AP4M1: variants seen among roughly 807,000 people sequenced by gnomAD.
AP4M1 encodes the protein adaptor related protein complex 4 subunit mu 1.
In AP4M1, 58 loss-of-function variants were observed where a neutral mutation model predicts 62.4. The observed-to-expected ratio is 0.93, with a 90% CI of 0.75 to 1.16. The LOEUF (loss-of-function observed/expected upper bound fraction) is 1.16. Among genes scored for constraint, AP4M1 ranks in the 50% most tolerant of loss-of-function variants. The pLI is 0.00. For synonymous variants in AP4M1, 290 were observed against 239.7 expected, an observed-to-expected ratio of 1.21 and a Z score of -1.94; for missense variants, 626 against 585.4, an observed-to-expected ratio of 1.07 and a Z score of -0.72.
upstream of AP4M1, chr7:100,100,943 G>A (rs998779635): frequency 1.2e-5 from 12 of 1,018,950 alleles, no homozygotes; most frequent in Non-Finnish European, 1.5e-5. Context: ...GGAGCCCAGA[G>A]CCCTTAAGAC....
In AP4M1 at chr7:100,107,089, C is replaced by G; in HGVS notation, c.*207C>G. The G allele has an allele frequency of 7.6e-7, 1 of 1,309,180 alleles. No homozygotes were observed. The highest frequency in any genetic ancestry group is 1.0e-6 in the Non-Finnish European group (1 of 968,766). The allele number at this position is 1,309,180 out of a possible 1,614,324, so 81.1% of individuals were successfully genotyped here. On this transcript the variant is annotated 3_prime_UTR_variant, in exon 15 of 15. Transcript: ENST00000359593. Reference sequence around the variant, plus strand: ...AGTGGATCAGAACTTACAAACCAAACTTTTATTCTGAGAAACTGGCTGTAC... The same window carrying G: ...AGTGGATCAGAACTTACAAACCAAAGTTTTATTCTGAGAAACTGGCTGTAC...
chr7:100,102,563 C>T (rs1796139805), intron 2 of AP4M1, 112 bp from the exon 3 acceptor site: 3 of 874,720 alleles, frequency 3.4e-6, no homozygotes, highest in African/African-American at 1.7e-5. Context: ...CTCCCAAAGG[C>T]ACTGCTGTTG....
chr7:100,108,337 C>T lies in AP4M1; in HGVS notation c.*1455C>T. On this transcript the variant is annotated 3_prime_UTR_variant, in exon 15 of 15. Coordinates refer to ENST00000359593, the MANE Select transcript of AP4M1 (RefSeq NM_004722.4). ...ACACAGGGGTTCTCCTCTGCTTCCT[C>T]CTATTCCTCCTCCCCACCCGGCCAC... 3 of 1,579,732 alleles carry T rather than the reference C, an allele frequency of 1.9e-6. No individual in the cohort carries two copies. The highest frequency in any genetic ancestry group is 2.6e-6 in the Non-Finnish European group (3 of 1,160,798).
In AP4M1 at chr7:100,101,714, C is replaced by T. The variant is rs1185048945; in HGVS notation, c.-1C>T. ...CTTCTTGTCTACTCTCCAGAACGGC[C>T]ATGATTTCCCAATTCTTCATTCTGT... On this transcript the variant is annotated 5_prime_UTR_variant, in exon 1 of 15. Transcript: ENST00000359593. 1.2e-6 allele frequency: 2 copies of T among 1,613,258 alleles called. No individual in the cohort carries two copies. The highest frequency in any genetic ancestry group is 3.3e-5 in the Admixed American group (2 of 59,994).
At chr7:100,101,847 C>T (rs1243234243) in intron 1 of AP4M1, 33 bp from the exon 2 acceptor site, 2 of 1,612,492 alleles carry the variant, frequency 1.2e-6, no homozygotes, top group East Asian at 2.2e-5. Flanking sequence ...GCCTGTGTCG[C>T]AGGATCCTTC....
Position 100,108,783 on chromosome 7 carries a change from C to T in AP4M1, c.*1901C>T, listed in dbSNP as rs779218070. On this transcript the variant is annotated 3_prime_UTR_variant, in exon 15 of 15. Coordinates refer to ENST00000359593, the MANE Select transcript of AP4M1 (RefSeq NM_004722.4). ...CAGGTGCAGCATCTTAGGCCTGTATCCCAGCACTTGGGAGGCTGAGGTGGG... is the reference window on the plus strand; with the variant it reads ...CAGGTGCAGCATCTTAGGCCTGTATTCCAGCACTTGGGAGGCTGAGGTGGG... The T allele has an allele frequency of 4.0e-5, 15 of 373,526 alleles. No homozygotes were observed. The highest frequency in any genetic ancestry group is 1.3e-4 in the East Asian group (3 of 22,534). 23.1% of individuals were successfully genotyped at this position (373,526 alleles called of 1,614,324 possible). A position where few individuals can be genotyped will look rare whatever the true frequency, so the allele number is the denominator to read the frequency against.
intron 2 of AP4M1, chr7:100,102,337 G>C (rs948639065): frequency 5.9e-6 from 3 of 511,594 alleles, no homozygotes; most frequent in Non-Finnish European, 1.1e-5. Flanking sequence ...GTTGCAGTGA[G>C]CCGAGATCCG....
At position 100,101,865 on chromosome 7, in the gene AP4M1, CCTT is replaced by C; in HGVS notation, c.59-13_59-11del. On this transcript the variant is annotated splice_polypyrimidine_tract_variant and intron_variant, in intron 1 of 14. Coordinates refer to ENST00000359593, the MANE Select transcript of AP4M1 (RefSeq NM_004722.4). ...TGTGTCGCAGGATCCTTCACTGAGT[CCTT>C]CCACCCGCCAGTCCGCGGGGACAGT... The C allele has an allele frequency of 1.2e-6, 2 of 1,612,900 alleles. No homozygotes were observed. The highest frequency in any genetic ancestry group is 3.3e-5 in the Admixed American group (2 of 60,016).
chr7:100,101,459 G>A (rs2116610239), upstream of AP4M1: 4 of 952,516 alleles, frequency 4.2e-6, no homozygotes, highest in Non-Finnish European at 6.4e-6. Flanking sequence ...CGGACAAGGC[G>A]GCCTTCTTCA....
rs758689249 is a variant in AP4M1, at chr7:100,106,884, G to T, written c.*2G>T. 3.4e-5 allele frequency: 55 copies of T among 1,611,956 alleles called. No homozygotes were observed. The highest frequency in any genetic ancestry group is 1.6e-4 in the Middle Eastern group (1 of 6,082). On this transcript the variant is annotated 3_prime_UTR_variant, in exon 15 of 15. Coordinates refer to ENST00000359593, the MANE Select transcript of AP4M1 (RefSeq NM_004722.4). ...GACGCCTATGTCATTCGGATCTGAG[G>T]CTCCCCAAACGAGGACACGACGGCC...
At position 100,107,561 on chromosome 7, in the gene AP4M1, G is replaced by A. The variant is rs1353408974; in HGVS notation, c.*679G>A. Reference sequence around the variant, plus strand: ...CGATGGGCTGCACGCTGGGGACGGTGGTGGTGACGGGCGAAGTGGTGGTGG... The same window carrying A: ...CGATGGGCTGCACGCTGGGGACGGTAGTGGTGACGGGCGAAGTGGTGGTGG... On this transcript the variant is annotated 3_prime_UTR_variant, in exon 15 of 15. Coordinates refer to ENST00000359593, the MANE Select transcript of AP4M1 (RefSeq NM_004722.4). 12 of 1,614,014 alleles carry A rather than the reference G, an allele frequency of 7.4e-6. No individual in the cohort carries two copies. Among genetic ancestry groups the A allele is most frequent in the Middle Eastern group, 1.7e-4 (1 of 6,038 alleles).
Position 100,103,618 on chromosome 7 carries a change from G to T in AP4M1, c.469G>T (p.Ala157Ser), listed in dbSNP as rs1796235647. ...TGCTTTGGATGCTTTACAGTTTGGG[G>T]CTGAGACACAACAGAGCAAAGTGGC... The part of the protein sequence containing the change: ...FDLSSVGLFG[A>S]ETQQSKVAPS... The change falls in exon 6 of 15, where the codon GCT becomes TCT. Residue 157 changes from alanine to serine, a missense_variant. Physicochemically the swap from Ala to Ser is moderately conservative, Grantham distance 99 (BLOSUM62 1). Coordinates refer to ENST00000359593, the MANE Select transcript of AP4M1 (RefSeq NM_004722.4). 1.1e-5 allele frequency: 17 copies of T among 1,614,026 alleles called. No homozygotes were observed. The highest frequency in any genetic ancestry group is 1.4e-5 in the Non-Finnish European group (16 of 1,180,018).
Position 100,101,662 on chromosome 7 carries a change from G to A in AP4M1, c.-53G>A, listed in dbSNP as rs1796042907. 6.5e-7 allele frequency: 1 copy of A among 1,543,310 alleles called. No individual in the cohort carries two copies. Among genetic ancestry groups the A allele is most frequent in the Non-Finnish European group, 9.0e-7 (1 of 1,116,684 alleles). On this transcript the variant is annotated 5_prime_UTR_variant, in exon 1 of 15. Transcript: ENST00000359593. Reference sequence around the variant, plus strand: ...CGCGTTCTTTTGTTCCGGGGCCGCAGGGCGGGGCAGGCCCGACTTTCGCCG... The same window carrying A: ...CGCGTTCTTTTGTTCCGGGGCCGCAAGGCGGGGCAGGCCCGACTTTCGCCG...
In AP4M1 at chr7:100,106,682, CCT is replaced by C. The variant is rs772716166; in HGVS notation, c.1164_1165del (p.Pro389GlnfsTer138). ...FQMDVPGPPG[P>X]PSHGLSTSAS... ...GATGGACGTCCCAGGGCCCCCAGGA[CCT>C]CCCAGCCATGGGCTCTCCACCTCGG... On this transcript the variant is annotated frameshift_variant, in exon 15 of 15. Coordinates refer to ENST00000359593, the MANE Select transcript of AP4M1 (RefSeq NM_004722.4). LOFTEE classifies it high-confidence loss of function. 1 of 1,613,536 alleles carries C rather than the reference CCT, an allele frequency of 6.2e-7. No homozygotes were observed.
chr7:100,104,271 G>T, intron 7 of AP4M1, 117 bp downstream of exon 7: 3 of 861,818 alleles, frequency 3.5e-6, no homozygotes, highest in Admixed American at 2.0e-5. Context: ...TAATCCCAGT[G>T]CTTTGGGAGG....
intron 10 of AP4M1, 47 bp from the exon 11 acceptor site, chr7:100,105,398 G>A: frequency 6.2e-7 from 1 of 1,612,690 alleles, no homozygotes; most frequent in Non-Finnish European, 8.5e-7. Context: ...GAAGGGGGCA[G>A]TGGGGTCGTG....
In AP4M1 at chr7:100,105,546, C is replaced by T; in HGVS notation, c.929+7C>T. The T allele has an allele frequency of 6.2e-7, 1 of 1,611,006 alleles. No homozygotes were observed. Among genetic ancestry groups the T allele is most frequent in the Middle Eastern group, 1.7e-4 (1 of 6,058 alleles). On this transcript the variant is annotated splice_region_variant and intron_variant, in intron 11 of 14. Coordinates refer to ENST00000359593, the MANE Select transcript of AP4M1 (RefSeq NM_004722.4). Reference sequence around the variant, plus strand: ...GGGACCGAGGCTCAGGCCGGTGAGACAATTTCCTGGGTTCTAGAACTACCT... The same window carrying T: ...GGGACCGAGGCTCAGGCCGGTGAGATAATTTCCTGGGTTCTAGAACTACCT...
At chr7:100,101,811 C>CG in intron 1 of AP4M1, 39 bp downstream of exon 1, 1 of 1,039,374 alleles carries the variant, frequency 9.6e-7, no homozygotes, top group Non-Finnish European at 1.4e-6. Context: ...GGCGGAGGGG[C>CG]CGGGCGGGAG....
intron 2 of AP4M1, chr7:100,102,227 A>T (rs750880383): frequency 7.0e-6 from 2 of 286,304 alleles, no homozygotes; most frequent in South Asian, 7.9e-5. Context: ...CTAAAAATAC[A>T]AAAAAAAAAA....
Sources: allele counts gnomAD v4.1 joint callset, GRCh38; gene constraint gnomAD v4.1.1; transcripts MANE v1.5; gene names NCBI Gene and HGNC (gene_info 2026-07-23, HGNC 2026-07-21).